Variants in DEF8 observed in about 807,000 individuals in gnomAD.
The protein encoded by DEF8 is DEF-8.
DEF8 carries 38 observed loss-of-function variants against 59.1 expected under a neutral mutation model. The observed-to-expected ratio is 0.64, with a 90% CI of 0.50 to 0.84. The LOEUF is 0.84. Ranked by LOEUF, DEF8 falls within the 40% of genes least tolerant of loss-of-function variation. DEF8 has a pLI of 0.00. For synonymous variants in DEF8, 265 were observed against 250.1 expected (o/e 1.06, Z -0.56); for missense variants, 557 against 615.2 (o/e 0.91, Z 1.00).
intron 2 of DEF8, chr16:89,950,041 C>G (rs1247167267): frequency 9.9e-7 from 1 of 1,009,372 alleles, no homozygotes; most frequent in African/African-American, 1.7e-5. Context: ...AGTAAATAGG[C>G]AAATAAAAGA....
At chr16:89,951,483 G>A (rs1306511534) in intron 2 of DEF8, among the ~76,000 whole-genome samples, 1 of 152,114 alleles carries the variant, frequency 6.6e-6, no homozygotes, top group Non-Finnish European at 1.5e-5. Context: ...CACCTCAGGT[G>A]ATCAGCCCAC....
intron 12 of DEF8, 47 bp downstream of exon 12, chr16:89,964,622 G>T (rs1336997292): frequency 6.2e-6 from 9 of 1,447,520 alleles, no homozygotes; most frequent in Non-Finnish European, 8.5e-6. Context: ...GCTCTGCGCT[G>T]TCCTCTGGGG....
rs1204946329 is a variant in DEF8 at position 89,965,999 on chromosome 16, G to A, written c.*36G>A. 4.6e-6 allele frequency: 7 copies of A among 1,515,246 alleles called. No individual in the cohort carries two copies. Among genetic ancestry groups the A allele is most frequent in the African/African-American group, 2.7e-5 (2 of 72,812 alleles). The allele number at this position is 1,515,246 out of a possible 1,614,324, so 93.9% of individuals were successfully genotyped here. A position where few individuals can be genotyped will look rare whatever the true frequency, so the allele number is the denominator to read the frequency against. ...CAGTGCTGGGCACCCCGCCTGGCCC[G>A]CCAGGACCCACCCTGCCAACATCAA... On this transcript the variant is annotated 3_prime_UTR_variant, in exon 13 of 13. Coordinates refer to ENST00000563594, the MANE Select transcript of DEF8 (RefSeq NM_001242818.2).
rs148949111 is a variant in DEF8 at position 89,964,529 on chromosome 16, G to C, written c.1207G>C (p.Asp403His). ...CREGDVLFPF[D>H]SHTSVCADCS... ...AGAGGGCGACGTGCTGTTCCCGTTC[G>C]ACAGCCACACGTCTGTGTGCGCCGA... Residue 403 changes from aspartate to histidine, a missense_variant, in exon 12 of 13, where the codon GAC becomes CAC. Physicochemically the swap from Asp to His is moderately conservative, Grantham distance 81. Coordinates refer to ENST00000563594, the MANE Select transcript of DEF8 (RefSeq NM_001242818.2). 4.4e-6 allele frequency: 7 copies of C among 1,595,180 alleles called. No homozygotes were observed. Among genetic ancestry groups the C allele is most frequent in the Non-Finnish European group, 6.0e-6 (7 of 1,171,730 alleles).
chr16:89,964,458 C>G lies in DEF8; in HGVS notation c.1144-8C>G. ...GCCCGTGCCCCAACCCCACACTGTT[C>G]CCCCCAGCGGTGCCAGGCCAAGGGC... On this transcript the variant is annotated splice_region_variant and splice_polypyrimidine_tract_variant and intron_variant, in intron 11 of 12. Transcript: ENST00000563594. 6.3e-7 allele frequency: 1 copy of G among 1,580,736 alleles called. No individual in the cohort carries two copies.
At chr16:89,957,021 C>T (rs1264581378) in intron 4 of DEF8, 1 of 154,162 alleles carries the variant, frequency 6.5e-6, no homozygotes, top group Non-Finnish European at 1.4e-5. Context: ...AGTCTGGGGC[C>T]TTGCTGGGCC....
At position 89,963,810 on chromosome 16, in the gene DEF8, C is replaced by G; in HGVS notation, c.1003-360C>G. On this transcript the variant is annotated intron_variant, in intron 10 of 12. Coordinates refer to ENST00000563594, the MANE Select transcript of DEF8 (RefSeq NM_001242818.2). Reference sequence around the variant, plus strand: ...CAGACAGGAATGCTTGCCCTTAGTGCCTTTCAAGTAGGGAAGACAAGAAAA... The same window carrying G: ...CAGACAGGAATGCTTGCCCTTAGTGGCTTTCAAGTAGGGAAGACAAGAAAA... 8 of 487,672 alleles carry G rather than the reference C, an allele frequency of 1.6e-5. No individual in the cohort carries two copies. In the South Asian group the frequency reaches 1.7e-4, roughly 10 times the overall value. The allele number at this position is 487,672 out of a possible 1,614,324, so 30.2% of individuals were successfully genotyped here.
chr16:89,965,822 T>C (rs546980636), intron 12 of DEF8, 39 bp from the exon 13 acceptor site: 1 of 1,424,468 alleles, frequency 7.0e-7, no homozygotes, highest in African/African-American at 1.4e-5. Context: ...AGTGCTGGAG[T>C]TTCCTGTGCA....
chr16:89,952,084 A>G (rs998777510), intron 2 of DEF8, among the ~76,000 whole-genome samples: 1 of 152,082 alleles, frequency 6.6e-6, no homozygotes. Context: ...TCAATGTGTT[A>G]GCCAGGATGG....
In DEF8 at chr16:89,961,999, C is replaced by T. The variant is rs772310444; in HGVS notation, c.808-13C>T. On this transcript the variant is annotated splice_polypyrimidine_tract_variant and intron_variant, in intron 8 of 12. Transcript: ENST00000563594. ...GGTGGGTGTGAGAGGTGTCACCCGG[C>T]CGTGCCTGGCAGGTTTCTCGCTGCA... The T allele has an allele frequency of 6.2e-7, 1 of 1,613,448 alleles. No individual in the cohort carries two copies. The highest frequency in any genetic ancestry group is 1.1e-5 in the South Asian group (1 of 91,064).
In DEF8 at chr16:89,962,115, T is replaced by TG. The variant is rs751909581; in HGVS notation, c.913dup (p.Glu305GlyfsTer87). 1 of 1,612,294 alleles carries TG rather than the reference T, an allele frequency of 6.2e-7. No individual in the cohort carries two copies. Among genetic ancestry groups the TG allele is most frequent in the South Asian group, 1.1e-5 (1 of 90,998 alleles). ...CTGTTCAGCTACGTGGAGGAGCTGG[T>TG]GGAGATTCGCGTGAGGCTGGGGCCA... is the stretch of plus-strand genomic sequence containing the variant. On this transcript the variant is annotated frameshift_variant, in exon 9 of 13. Coordinates refer to ENST00000563594, the MANE Select transcript of DEF8 (RefSeq NM_001242818.2). LOFTEE classifies it high-confidence loss of function.
chr16:89,956,389 G>C (rs1157219838), intron 4 of DEF8: 1 of 151,926 alleles, frequency 6.6e-6, no homozygotes, highest in Non-Finnish European at 1.5e-5. Context: ...GAACCCGGGA[G>C]GTGGAGGTTG....
At chr16:89,955,087 C>A (rs1211246496) in intron 3 of DEF8, 82 bp from the exon 4 acceptor site, 7 of 1,121,890 alleles carry the variant, frequency 6.2e-6, no homozygotes, top group Non-Finnish European at 9.3e-6. Context: ...TTTCCCACTC[C>A]TGGCTATCTC....
At chr16:89,963,569 G>T (rs984234249) in intron 10 of DEF8, 126 bp downstream of exon 10, 6 of 694,190 alleles carry the variant, frequency 8.6e-6, no homozygotes, top group Non-Finnish European at 1.4e-5. Context: ...GCCTCACCAC[G>T]GTCCCAAGGA....
rs1212161265 is a variant in DEF8, at chr16:89,954,867, T to A, written c.125-302T>A. Among the ~76,000 whole-genome samples, 1 of 152,168 alleles carries A rather than the reference T, an allele frequency of 6.6e-6. No homozygotes were observed. The highest frequency in any genetic ancestry group is 1.5e-5 in the Non-Finnish European group (1 of 68,016). On this transcript the variant is annotated intron_variant, in intron 3 of 12. Coordinates refer to ENST00000563594, the MANE Select transcript of DEF8 (RefSeq NM_001242818.2). This position sits in a 1 kb window ranked among gnomAD's most constrained non-coding sequence, Gnocchi z 4.3. ...TTTCTCTCGCCCCCGTGGTCACGCA[T>A]GAGGTGTCCACCTTAGAAATGGGAT...
intron 3 of DEF8, 62 bp from the exon 4 acceptor site, chr16:89,955,107 C>T: frequency 7.4e-7 from 1 of 1,359,478 alleles, no homozygotes; most frequent in African/African-American, 1.4e-5. Flanking sequence ...CAGCTCCTCC[C>T]TAGGGGATGG....
rs2034640968 is a variant in DEF8 at position 89,967,061 on chromosome 16, G to A, written c.*1098G>A. ...GAGGAAACCTACAGCTCTGGGTGAG[G>A]GGACACTTGGCTTTGGTGTTTGCAC... On this transcript the variant is annotated 3_prime_UTR_variant, in exon 13 of 13. Coordinates refer to ENST00000563594, the MANE Select transcript of DEF8 (RefSeq NM_001242818.2). 1 of 381,502 alleles carries A rather than the reference G, an allele frequency of 2.6e-6. No individual in the cohort carries two copies. The highest frequency in any genetic ancestry group is 4.6e-6 in the Non-Finnish European group (1 of 215,892). 23.6% of individuals were successfully genotyped at this position (381,502 alleles called of 1,614,324 possible).
chr16:89,958,963 G>A, intron 5 of DEF8, 51 bp from the exon 6 acceptor site: 3 of 1,594,968 alleles, frequency 1.9e-6, no homozygotes, highest in Non-Finnish European at 2.6e-6. Context: ...GAAGGGAAAG[G>A]AACTTCAGCC....
At chr16:89,964,635 C>T (rs1157906807) in intron 12 of DEF8, 60 bp downstream of exon 12, 10 of 1,363,316 alleles carry the variant, frequency 7.3e-6, no homozygotes, top group East Asian at 5.0e-5. Context: ...CTCTGGGGAG[C>T]TGCCCCTTGG....
Sources: allele counts gnomAD v4.1 joint callset (sites outside exome capture counted in the v4.1 genomes callset), GRCh38; gene constraint gnomAD v4.1.1; non-coding constraint Gnocchi (gnomAD v3.1); transcripts MANE v1.5; gene names NCBI Gene and HGNC (gene_info 2026-07-23, HGNC 2026-07-21).